Variants in MYOF observed in about 807,000 individuals in gnomAD.
MYOF encodes myoferlin.
A neutral mutation model predicts 284.2 loss-of-function variants in MYOF; 244 were observed. That is an observed-to-expected ratio of 0.86 (90% CI 0.77 to 0.95). The LOEUF (loss-of-function observed/expected upper bound fraction) is 0.95. Among genes scored for constraint, MYOF ranks in the 40% least tolerant of loss-of-function variants. MYOF has a pLI of 0.00. For missense variants in MYOF, 2,496 were observed against 2,560.6 expected, an observed-to-expected ratio of 0.97 and a Z score of 0.54; for synonymous variants, 904 against 919.7, an observed-to-expected ratio of 0.98 and a Z score of 0.31.
chr10:93,408,669 G>T, intron 7 of MYOF, 118 bp downstream of exon 7: 1 of 1,395,916 alleles, frequency 7.2e-7, no homozygotes, highest in Non-Finnish European at 9.9e-7. Flanking sequence ...GTCACACCTA[G>T]TTTTGTTCCT....
rs1400491803 is a variant in MYOF at position 93,389,143 on chromosome 10, C to T, written c.1468G>A (p.Glu490Lys). The T allele has an allele frequency of 6.2e-7, 1 of 1,613,528 alleles. No homozygotes were observed. The highest frequency in any genetic ancestry group is 1.3e-5 in the African/African-American group (1 of 75,026). ...GAASYTVNTG[E>K]TEVGFVPTFG... is the part of the protein sequence containing the mutation. ...GTTGGAACAAAGCCTACCTCTGTTT[C>T]TCCTGTGTTTACTGAGAGAGAAACA... Residue 490 changes from glutamate (E) to lysine (K), a missense_variant, in exon 18 of 54, where the codon GAA becomes AAA. Physicochemically the swap from Glu to Lys is moderately conservative, Grantham distance 56 (BLOSUM62 1). Coordinates refer to ENST00000359263, the MANE Select transcript of MYOF (RefSeq NM_013451.4).
chr10:93,364,079 T>C lies in MYOF; in HGVS notation c.2754-4A>G. The C allele has an allele frequency of 6.2e-7, 1 of 1,613,648 alleles. No homozygotes were observed. Among genetic ancestry groups the C allele is most frequent in the Non-Finnish European group, 8.5e-7 (1 of 1,179,744 alleles). ...TGCATCTGCCTCAGTCAGCAAGCTGTGGGGCGGGGAGGGCTCAAGTTACCC... is the reference window on the plus strand; with the variant it reads ...TGCATCTGCCTCAGTCAGCAAGCTGCGGGGCGGGGAGGGCTCAAGTTACCC... On this transcript the variant is annotated splice_polypyrimidine_tract_variant and splice_region_variant and intron_variant, in intron 26 of 53. Coordinates refer to ENST00000359263, the MANE Select transcript of MYOF (RefSeq NM_013451.4).
intron 25 of MYOF, among the ~76,000 whole-genome samples, chr10:93,367,031 A>G (rs1845358272): frequency 1.3e-5 from 2 of 152,216 alleles, no homozygotes; most frequent in Non-Finnish European, 2.9e-5. Context: ...GAAACAATAT[A>G]CAATTAATGT....
intron 20 of MYOF, 46 bp downstream of exon 20, chr10:93,381,173 G>T: frequency 6.3e-7 from 1 of 1,594,626 alleles, no homozygotes; most frequent in Non-Finnish European, 8.6e-7. Flanking sequence ...GTCCCGTGGT[G>T]CACCCATTGT....
At position 93,482,222 on chromosome 10, in the gene MYOF, C is replaced by A; in HGVS notation, c.-28G>T. On this transcript the variant is annotated 5_prime_UTR_variant, in exon 1 of 54. Transcript: ENST00000359263. The stretch of plus-strand genomic sequence containing the variant: ...TTCTTAGCTGGTAGAAAGCAAGTTT[C>A]AGCAAACGAAGTGGAGACTAGGGCG... 2.5e-6 allele frequency: 4 copies of A among 1,600,602 alleles called. No homozygotes were observed. Among genetic ancestry groups the A allele is most frequent in the Non-Finnish European group, 3.4e-6 (4 of 1,171,444 alleles).
At position 93,379,978 on chromosome 10, in the gene MYOF, T is replaced by C. The variant is rs1478243384; in HGVS notation, c.1886A>G (p.Tyr629Cys). Residue 629 changes from tyrosine (Y) to cysteine (C), a missense_variant, in exon 21 of 54, where the codon TAT (tyrosine) becomes TGT (cysteine). Around this residue, in one of 3 missense-constraint regions of MYOF, gnomAD observed 2,436 missense variants for 2,480.7 expected, o/e 0.98. Transcript: ENST00000359263. Reference protein sequence around the residue: ...YSRAVFDGNYYYYLPWAHTKP... With the variant: ...YSRAVFDGNYCYYLPWAHTKP... ...GGTGTGGGCCCAAGGCAAGTAATAA[T>C]AGTAGTTGCCTGGTATAAAACATTG... 2 of 1,613,738 alleles carry C rather than the reference T, an allele frequency of 1.2e-6. No homozygotes were observed. Among genetic ancestry groups the C allele is most frequent in the East Asian group, 2.2e-5 (1 of 44,866 alleles).
rs1307609487 is a variant in MYOF, at chr10:93,329,661, T to TG, written c.4982+2_4982+3insC. On this transcript the variant is annotated splice_region_variant and intron_variant, in intron 44 of 53. Coordinates refer to ENST00000359263, the MANE Select transcript of MYOF (RefSeq NM_013451.4). ...TGCCTCTTGTACAGTCAAAGCAACTTACACACAGTACTCCTCTGGTATGCC... is the reference window on the plus strand; with the variant it reads ...TGCCTCTTGTACAGTCAAAGCAACTTGACACACAGTACTCCTCTGGTATGCC... The TG allele has an allele frequency of 6.2e-7, 1 of 1,613,722 alleles. No individual in the cohort carries two copies. Among genetic ancestry groups the TG allele is most frequent in the Admixed American group, 1.7e-5 (1 of 60,030 alleles).
rs1564664788 is a variant in MYOF at position 93,378,699 on chromosome 10, A to ATATATATATGTATATATATATATG, written c.2001+1163_2001+1164insCATATATATATATACATATATATA. Among the ~76,000 whole-genome samples the ATATATATATGTATATATATATATG allele has an allele frequency of 6.5e-3, 606 of 93,308 alleles. 25 individuals carry two copies. The highest frequency in any genetic ancestry group is 0.026 in the African/African-American group (581 of 21,962). 61.2% of individuals were successfully genotyped at this position (93,308 alleles called of 152,430 possible). On this transcript the variant is annotated intron_variant, in intron 21 of 53. Coordinates refer to ENST00000359263, the MANE Select transcript of MYOF (RefSeq NM_013451.4). ...TGTGTGTATGTGTGTGTGTGTATAT[A>ATATATATATGTATATATATATATG]TATATATATATATATATGTATATAT...
chr10:93,475,304 C>A (rs1564746308), intron 1 of MYOF, among the ~76,000 whole-genome samples: 1 of 152,200 alleles, frequency 6.6e-6, no homozygotes, highest in Non-Finnish European at 1.5e-5. Flanking sequence ...CTGACCACTG[C>A]CATATCATGG....
At chr10:93,367,865 T>C (rs1002472551) in intron 25 of MYOF, among the ~76,000 whole-genome samples, 1 of 152,028 alleles carries the variant, frequency 6.6e-6, no homozygotes, top group Non-Finnish European at 1.5e-5. Context: ...TATTAGCACA[T>C]GAAGGCAAGA....
chr10:93,396,225 C>T lies in MYOF; in HGVS notation c.1335-1G>A. The T allele has an allele frequency of 6.3e-7, 1 of 1,576,714 alleles. No individual in the cohort carries two copies. On this transcript the variant is annotated splice_acceptor_variant, in intron 15 of 53. Coordinates refer to ENST00000359263, the MANE Select transcript of MYOF (RefSeq NM_013451.4). LOFTEE classifies it high-confidence loss of function. ...TACATCATTTTTAGTAAGACGGTCC[C>T]TGTGTAAAAAATAAAAATAAAAAAA...
chr10:93,466,671 C>T lies in MYOF; in HGVS notation c.89-9734G>A, dbSNP rs545353776. 1.4e-3 allele frequency among the ~76,000 whole-genome samples: 219 copies of T among 152,308 alleles called. 2 individuals carry two copies. The highest frequency in any genetic ancestry group is 1.5e-3 in the Non-Finnish European group (103 of 68,024). Reference sequence around the variant, plus strand: ...GTGTGCTGGGCATATTAAACACATTCACGTCTGTTCCCTACAAGGGAGGCT... The same window carrying T: ...GTGTGCTGGGCATATTAAACACATTTACGTCTGTTCCCTACAAGGGAGGCT... On this transcript the variant is annotated intron_variant, in intron 1 of 53. Transcript: ENST00000359263.
At chr10:93,373,115 G>T in intron 23 of MYOF, 30 bp from the exon 24 acceptor site, 1 of 1,613,832 alleles carries the variant, frequency 6.2e-7, no homozygotes, top group Non-Finnish European at 8.5e-7. Flanking sequence ...GGAAGAGGAA[G>T]CACAGCCATG....
rs1004293483 is a variant in MYOF at position 93,396,568 on chromosome 10, T to C, written c.1335-344A>G. ...GGTAATTTATTCTGAAGTTATGAAA[T>C]TGCAATTGTACAGAGAGGCCAAGAG... On this transcript the variant is annotated intron_variant, in intron 15 of 53. Transcript: ENST00000359263. 2.0e-5 allele frequency among the ~76,000 whole-genome samples: 3 copies of C among 152,180 alleles called. No individual in the cohort carries two copies. The East Asian group carries it at 5.8e-4, about 29-fold the overall frequency.
At chr10:93,360,093 T>C (rs748387716) in intron 28 of MYOF, 115 bp from the exon 29 acceptor site, 14 of 1,235,938 alleles carry the variant, frequency 1.1e-5, no homozygotes, top group Non-Finnish European at 1.5e-5. Context: ...TGTACTATCA[T>C]GACCGAATAT....
At chr10:93,451,523 G>C (rs375458517) in intron 3 of MYOF, among the ~76,000 whole-genome samples, 7 of 151,962 alleles carry the variant, frequency 4.6e-5, no homozygotes, top group African/African-American at 1.7e-4. Flanking sequence ...GTGTCACCAC[G>C]GGCACCACCG....
At position 93,351,298 on chromosome 10, in the gene MYOF, G is replaced by T; in HGVS notation, c.3823-3C>A. On this transcript the variant is annotated splice_region_variant and splice_polypyrimidine_tract_variant and intron_variant, in intron 34 of 53. Transcript: ENST00000359263. Reference sequence around the variant, plus strand: ...AGAATGGGAAGGTTGGAGCCATCCTGTGAAACAAACATGGATATGTCAATG... The same window carrying T: ...AGAATGGGAAGGTTGGAGCCATCCTTTGAAACAAACATGGATATGTCAATG... 6.2e-7 allele frequency: 1 copy of T among 1,611,844 alleles called. No individual in the cohort carries two copies. The highest frequency in any genetic ancestry group is 8.5e-7 in the Non-Finnish European group (1 of 1,179,140).
intron 3 of MYOF, among the ~76,000 whole-genome samples, chr10:93,439,024 G>T (rs188454482): frequency 6.6e-6 from 1 of 152,154 alleles, no homozygotes; most frequent in Non-Finnish European, 1.5e-5. Flanking sequence ...CACAAGTCTC[G>T]CCTCTACTTT....
At chr10:93,377,779 G>C (rs1049381715) in intron 21 of MYOF, among the ~76,000 whole-genome samples, 7 of 152,074 alleles carry the variant, frequency 4.6e-5, no homozygotes, top group African/African-American at 1.7e-4. Flanking sequence ...TTTATCTACA[G>C]ATTTTAGGAT....
Sources: allele counts gnomAD v4.1 joint callset (sites outside exome capture counted in the v4.1 genomes callset), GRCh38; gene constraint gnomAD v4.1.1; regional missense constraint gnomAD v4.1.1; transcripts MANE v1.5; gene names NCBI Gene and HGNC (gene_info 2026-07-23, HGNC 2026-07-21).